Variants in ERG observed in about 807,000 individuals in gnomAD.
ERG encodes transcriptional regulator ERG.
ERG carries 9 observed loss-of-function variants against 55.3 expected under a neutral mutation model. The ratio of observed to expected loss-of-function variants is 0.16; its 90% confidence interval spans 0.10 to 0.28. ERG has a LOEUF of 0.28. Among genes scored for constraint, ERG ranks in the 10% least tolerant of loss-of-function variants. The probability of loss-of-function intolerance (pLI) is 1.00; values close to 1 mark genes in which losing one functional copy is unlikely to be tolerated. For synonymous variants in ERG, 223 were observed against 237.3 expected, an observed-to-expected ratio of 0.94 and a Z score of 0.55; for missense variants, 434 against 631.6, an observed-to-expected ratio of 0.69 and a Z score of 3.35.
chr21:38,612,167 C>T (rs987066098), intron 1 of ERG, among the ~76,000 whole-genome samples: 1 of 152,158 alleles, frequency 6.6e-6, no homozygotes, highest in Non-Finnish European at 1.5e-5. Context: ...GTGACGCGTT[C>T]CAGTTCACAA....
intron 2 of ERG, among the ~76,000 whole-genome samples, chr21:38,535,499 T>G (rs1375779512): frequency 6.6e-6 from 1 of 152,220 alleles, no homozygotes; most frequent in Non-Finnish European, 1.5e-5. Context: ...AAACCCACTG[T>G]ACATCTTACA....
At chr21:38,529,486 T>C (rs928074449) in intron 2 of ERG, among the ~76,000 whole-genome samples, 1 of 152,092 alleles carries the variant, frequency 6.6e-6, no homozygotes, top group Non-Finnish European at 1.5e-5. Context: ...AACAAACCCC[T>C]GAGTAAATGG....
chr21:38,600,136 G>A (rs2060155708), intron 1 of ERG, among the ~76,000 whole-genome samples: 1 of 152,192 alleles, frequency 6.6e-6, no homozygotes, highest in African/African-American at 2.4e-5. Flanking sequence ...AGAGGCAGAA[G>A]AGTCTACAGA....
chr21:38,572,804 GATGATATTATATATTGAC>G (rs1397100692), intron 2 of ERG, among the ~76,000 whole-genome samples: 1 of 152,088 alleles, frequency 6.6e-6, no homozygotes, highest in African/African-American at 2.4e-5. Flanking sequence ...CCAATATGAT[GATGATATTATATATTGAC>G]ATTAACCAAT....
rs1007292478 is a variant in ERG at position 38,381,768 on chromosome 21, C to A, written c.*1635G>T. 8 of 1,063,138 alleles carry A rather than the reference C, an allele frequency of 7.5e-6. No homozygotes were observed. The African/African-American group carries it at 9.8e-5, about 13-fold the overall frequency. The allele number at this position is 1,063,138 out of a possible 1,614,324, so 65.9% of individuals were successfully genotyped here. On this transcript the variant is annotated 3_prime_UTR_variant, in exon 10 of 10. Transcript: ENST00000288319. ...TTCATAGGCCTCTTTCCATTCCAGG[C>A]ATAAATATGGAGGCTCCAATGTGAA... is the stretch of plus-strand genomic sequence containing the variant.
chr21:38,613,011 C>T (rs80135889), intron 1 of ERG, among the ~76,000 whole-genome samples: 9,454 of 152,190 alleles, frequency 0.062, 927 homozygotes, highest in African/African-American at 0.21. Context: ...TGTTAACGAT[C>T]TGTAGATGTA....
At chr21:38,429,154 G>C (rs1989984371) in intron 2 of ERG, among the ~76,000 whole-genome samples, 1 of 152,040 alleles carries the variant, frequency 6.6e-6, no homozygotes, top group Non-Finnish European at 1.5e-5. Context: ...TTCCATTCCT[G>C]AGTTACTTCG....
chr21:38,398,937 T>G (rs78668368), intron 6 of ERG, among the ~76,000 whole-genome samples: 1 of 152,232 alleles, frequency 6.6e-6, no homozygotes, highest in African/African-American at 2.4e-5. Context: ...TAAAAAAATT[T>G]TTAAAACCCT....
intron 6 of ERG, chr21:38,395,291 G>A (rs558444845): frequency 8.7e-6 from 2 of 228,646 alleles, no homozygotes; most frequent in South Asian, 1.8e-4. Context: ...GACAGCCAGG[G>A]GTGACTTCTT....
chr21:38,591,753 A>G lies in ERG; in HGVS notation c.-149-6808T>C, dbSNP rs148430534. ...AATGAAAACAAAAATGAAAAGCACT[A>G]ACTGGCTTCACCCACCCAACATTTG... On this transcript the variant is annotated intron_variant, in intron 1 of 10. Transcript: ENST00000398910. Among the ~76,000 whole-genome samples the G allele has an allele frequency of 6.6e-3, 1,002 of 152,278 alleles. 5 individuals carry two copies. Among genetic ancestry groups the G allele is most frequent in the Non-Finnish European group, 0.012 (790 of 68,020 alleles).
intron 6 of ERG, among the ~76,000 whole-genome samples, chr21:38,399,372 T>C (rs1433939682): frequency 6.6e-6 from 1 of 152,210 alleles, no homozygotes; most frequent in Non-Finnish European, 1.5e-5. Context: ...GGGCCCCCAG[T>C]CTTTCTCATT....
chr21:38,374,696 G>C, the ERG span, among the ~76,000 whole-genome samples: 1 of 152,142 alleles, frequency 6.6e-6, no homozygotes, highest in Non-Finnish European at 1.5e-5. Flanking sequence ...GACTATGGTA[G>C]GTCAGACCCA....
intron 1 of ERG, among the ~76,000 whole-genome samples, chr21:38,494,984 CTT>C (rs1239117678): frequency 1.3e-5 from 2 of 152,372 alleles, no homozygotes; most frequent in East Asian, 3.9e-4. Context: ...TCTGAAATGA[CTT>C]ATGCACAGCA....
chr21:38,641,788 T>C (rs527663064), intron 1 of ERG, among the ~76,000 whole-genome samples: 1 of 152,304 alleles, frequency 6.6e-6, no homozygotes, highest in South Asian at 2.1e-4. Flanking sequence ...AGATTAAAGA[T>C]ACATATCTTT....
At chr21:38,484,112 T>C (rs1174141431) in intron 1 of ERG, among the ~76,000 whole-genome samples, 1 of 152,158 alleles carries the variant, frequency 6.6e-6, no homozygotes, top group African/African-American at 2.4e-5. Context: ...TTTGAGTTAC[T>C]GGTCTTGACG....
intron 1 of ERG, among the ~76,000 whole-genome samples, chr21:38,472,928 G>A (rs2059152571): frequency 6.6e-6 from 1 of 152,152 alleles, no homozygotes; most frequent in African/African-American, 2.4e-5. Context: ...TGGAGGAAAT[G>A]AGTTTTGCAG....
At chr21:38,397,313 T>C (rs921796150) in intron 6 of ERG, among the ~76,000 whole-genome samples, 5 of 151,774 alleles carry the variant, frequency 3.3e-5, no homozygotes, top group African/African-American at 4.8e-5. Flanking sequence ...AAAAGGTAGA[T>C]TGGGGGCTGG....
intron 1 of ERG, among the ~76,000 whole-genome samples, chr21:38,601,197 G>A (rs929263850): frequency 2.0e-5 from 3 of 152,118 alleles, no homozygotes; most frequent in Non-Finnish European, 2.9e-5. Flanking sequence ...AGTCCACAAC[G>A]CGGCAGCCAG....
At chr21:38,438,601 C>G (rs1569099938) in intron 2 of ERG, among the ~76,000 whole-genome samples, 1 of 152,200 alleles carries the variant, frequency 6.6e-6, no homozygotes. Context: ...TGCAATGAAT[C>G]TATCCCAGAG....
Sources: allele counts gnomAD v4.1 joint callset (sites outside exome capture counted in the v4.1 genomes callset), GRCh38; gene constraint gnomAD v4.1.1; transcripts MANE v1.5; gene names NCBI Gene and HGNC (gene_info 2026-07-23, HGNC 2026-07-21).